The following PLCZ1 variants were observed in gnomAD, a reference collection of about 807,000 sequenced individuals.
PLCZ1 encodes the protein 1-phosphatidylinositol 4,5-bisphosphate phosphodiesterase zeta-1.
Under a neutral mutation model 76.8 loss-of-function variants are expected in PLCZ1, and 64 were observed. The ratio of observed to expected loss-of-function variants is 0.83; its 90% confidence interval spans 0.68 to 1.03. The LOEUF (loss-of-function observed/expected upper bound fraction) is 1.03, where lower values mean the gene tolerates loss of function less well. Among genes scored for constraint, PLCZ1 ranks in the 50% least tolerant of loss-of-function variants. The pLI is 0.00. For missense variants in PLCZ1, 751 were observed against 713.7 expected, an observed-to-expected ratio of 1.05 and a Z score of -0.60; for synonymous variants, 248 against 230.8, an observed-to-expected ratio of 1.07 and a Z score of -0.68.
In PLCZ1 at chr12:18,690,783, G is replaced by C. The variant is rs73344984; in HGVS notation, c.1462-2565C>G. 3.8e-3 allele frequency among the ~76,000 whole-genome samples: 586 copies of C among 152,234 alleles called. 5 individuals carry two copies. The highest frequency in any genetic ancestry group is 0.013 in the African/African-American group (556 of 41,564). Reference sequence around the variant, plus strand: ...TGAAAGAATGCTCTAGTCACAGGAAGAGCCTACGCAATTCGTGGAGGTGAG... The same window carrying C: ...TGAAAGAATGCTCTAGTCACAGGAACAGCCTACGCAATTCGTGGAGGTGAG... On this transcript the variant is annotated intron_variant, in intron 12 of 14. Transcript: ENST00000266505.
chr12:18,664,719 G>T, the PLCZ1 span, among the ~76,000 whole-genome samples: 1 of 151,584 alleles, frequency 6.6e-6, no homozygotes, highest in Non-Finnish European at 1.5e-5. Context: ...TATGTTTATT[G>T]CGGCACTATT....
At chr12:18,704,205 A>T (rs146991611) in intron 7 of PLCZ1, among the ~76,000 whole-genome samples, 2 of 152,340 alleles carry the variant, frequency 1.3e-5, no homozygotes, top group African/African-American at 4.8e-5. Flanking sequence ...ATTTATCAGT[A>T]AGAAAATCTT....
At chr12:18,658,099 G>A in the PLCZ1 span, among the ~76,000 whole-genome samples, 1,568 of 152,150 alleles carry the variant, frequency 0.01, 33 homozygotes, top group African/African-American at 0.035. Context: ...AGCAGACAGA[G>A]GGAAGAATTA....
downstream of PLCZ1, among the ~76,000 whole-genome samples, chr12:18,680,184 T>A (rs1310081475): frequency 2.0e-4 from 31 of 152,052 alleles, no homozygotes. Context: ...AGTCCCCCAG[T>A]AAAATGTCCA....
At chr12:18,716,195 A>G (rs1467134279) in intron 5 of PLCZ1, among the ~76,000 whole-genome samples, 1 of 152,168 alleles carries the variant, frequency 6.6e-6, no homozygotes, top group East Asian at 1.9e-4. Context: ...TCAACAGAGT[A>G]TGAGTTCTCT....
rs1393886770 is a variant in PLCZ1, at chr12:18,705,239, A to T, written c.791T>A (p.Leu264Ter). The T allele has an allele frequency of 1.2e-6, 2 of 1,613,972 alleles. No homozygotes were observed. Among genetic ancestry groups the T allele is most frequent in the Non-Finnish European group, 1.7e-6 (2 of 1,180,000 alleles). ...TAQQEVMADN[L>*]QATFGESLLS... is the part of the protein sequence containing the mutation. ...CAAGGACTCTCCAAAAGTAGCCTGC[A>T]AATTGTCTGCCATTACTTCTTGTTG... is the stretch of plus-strand genomic sequence containing the variant. The change falls in exon 7 of 15, where the codon TTG (leucine) becomes TAG (stop). Residue 264 changes from leucine (L) to a stop codon, truncating the protein, a stop_gained. Transcript: ENST00000266505. LOFTEE classifies it high-confidence loss of function.
At chr12:18,694,446 T>C (rs55944429) in intron 12 of PLCZ1, among the ~76,000 whole-genome samples, 23,995 of 152,140 alleles carry the variant, frequency 0.16, 2,068 homozygotes, top group African/African-American at 0.21. Context: ...TTTTAAGTAA[T>C]CAAATGATAT....
chr12:18,659,759 G>T, the PLCZ1 span, among the ~76,000 whole-genome samples: 1 of 148,992 alleles, frequency 6.7e-6, no homozygotes, highest in East Asian at 2.0e-4. Flanking sequence ...GTGCCATATT[G>T]GTGTGCTGCA....
At chr12:18,671,967 T>C in the PLCZ1 span, among the ~76,000 whole-genome samples, 1 of 152,146 alleles carries the variant, frequency 6.6e-6, no homozygotes, top group Non-Finnish European at 1.5e-5. Flanking sequence ...AGGGCTCTTT[T>C]ATCAGGACAC....
chr12:18,701,528 A>G lies in PLCZ1; in HGVS notation c.990T>C (p.Pro330=). 6.2e-7 allele frequency: 1 copy of G among 1,613,970 alleles called. No individual in the cohort carries two copies. Among genetic ancestry groups the G allele is most frequent in the East Asian group, 2.2e-5 (1 of 44,848 alleles). The change falls in exon 9 of 15, where the codon CCT becomes CCC. Residue 330 remains proline, a synonymous_variant. Transcript: ENST00000266505. Reference sequence around the variant, plus strand: ...TCTTTTTCTTGAAAAGCATTACTCCAGGTAACTTTTTTACCCCTGTTTCCT... The same window carrying G: ...TCTTTTTCTTGAAAAGCATTACTCCGGGTAACTTTTTTACCCCTGTTTCCT... ...QDKETGVKKL[P]GVMLFKKKKT... is the part of the protein sequence containing the mutation.
chr12:18,705,222 C>T lies in PLCZ1; in HGVS notation c.808G>A (p.Glu270Lys). 6.2e-7 allele frequency: 1 copy of T among 1,614,034 alleles called. No individual in the cohort carries two copies. Among genetic ancestry groups the T allele is most frequent in the Non-Finnish European group, 8.5e-7 (1 of 1,180,014 alleles). Residue 270 changes from glutamate (E) to lysine (K), a missense_variant, in exon 7 of 15, where the codon GAG (glutamate) becomes AAG (lysine). Transcript: ENST00000266505. Reference protein sequence around the residue: ...MADNLQATFGESLLSDMLDDF... With the variant: ...MADNLQATFGKSLLSDMLDDF... ...TCAAGCATATCAGAAAGCAAGGACT[C>T]TCCAAAAGTAGCCTGCAAATTGTCT...
chr12:18,700,042 G>A, intron 9 of PLCZ1, 92 bp from the exon 10 acceptor site: 1 of 1,050,534 alleles, frequency 9.5e-7, no homozygotes, highest in Non-Finnish European at 1.4e-6. Context: ...TCAAACAAAT[G>A]ATTTTCATCT....
At chr12:18,687,270 C>G (rs1197852910) in intron 13 of PLCZ1, among the ~76,000 whole-genome samples, 1 of 152,004 alleles carries the variant, frequency 6.6e-6, no homozygotes, top group African/African-American at 2.4e-5. Context: ...AATTATTATC[C>G]AAGAAGAAAA....
intron 10 of PLCZ1, among the ~76,000 whole-genome samples, chr12:18,697,142 C>A (rs149848987): frequency 6.6e-6 from 1 of 152,078 alleles, no homozygotes; most frequent in Non-Finnish European, 1.5e-5. Context: ...TTTCTGCAAC[C>A]ATTCCTGCTG....
chr12:18,701,831 T>A, intron 7 of PLCZ1, 55 bp from the exon 8 acceptor site: 1 of 1,548,974 alleles, frequency 6.5e-7, no homozygotes, highest in Non-Finnish European at 8.7e-7. Flanking sequence ...ATTTGCATTG[T>A]AACAGTCACT....
At chr12:18,688,792 A>C (rs7969692) in intron 12 of PLCZ1, among the ~76,000 whole-genome samples, 59,484 of 151,762 alleles carry the variant, frequency 0.39, 12,309 homozygotes, top group African/African-American at 0.51. Flanking sequence ...AATTTAAGGA[A>C]CAAAATGAGC....
chr12:18,716,925 A>G (rs1195176151), intron 5 of PLCZ1, among the ~76,000 whole-genome samples: 1 of 152,190 alleles, frequency 6.6e-6, no homozygotes, highest in Non-Finnish European at 1.5e-5. Context: ...TTTTGTAAAT[A>G]TGAGGAAATC....
chr12:18,675,389 A>G, the PLCZ1 span, among the ~76,000 whole-genome samples: 1 of 152,162 alleles, frequency 6.6e-6, no homozygotes, highest in Admixed American at 6.5e-5. Flanking sequence ...ACATGGATGC[A>G]GATAAAAGAG....
At chr12:18,709,257 A>G (rs1957010352) in intron 6 of PLCZ1, among the ~76,000 whole-genome samples, 1 of 152,088 alleles carries the variant, frequency 6.6e-6, no homozygotes, top group Non-Finnish European at 1.5e-5. Flanking sequence ...TTTCAGTACC[A>G]TTTATTGAAG....
Sources: allele counts gnomAD v4.1 joint callset (sites outside exome capture counted in the v4.1 genomes callset), GRCh38; gene constraint gnomAD v4.1.1; transcripts MANE v1.5; gene names NCBI Gene and HGNC (gene_info 2026-07-23, HGNC 2026-07-21).